Variants in VTCN1 observed in about 807,000 individuals in gnomAD.
VTCN1 encodes the protein V-set domain containing T cell activation inhibitor 1.
A neutral mutation model predicts 26.5 loss-of-function variants in VTCN1; 26 were observed. The ratio of observed to expected loss-of-function variants is 0.98; its 90% CI spans 0.72 to 1.36. VTCN1 has a LOEUF of 1.36. VTCN1 is among the 40% of genes most tolerant of loss of function. VTCN1 has a pLI of 0.00. For missense variants in VTCN1, 298 were observed against 337.7 expected, an observed-to-expected ratio of 0.88 and a Z score of 0.92; for synonymous variants, 116 against 130.7, an observed-to-expected ratio of 0.89 and a Z score of 0.77.
intron 1 of VTCN1, among the ~76,000 whole-genome samples, chr1:117,180,357 G>A (rs985762465): frequency 6.6e-6 from 1 of 152,058 alleles, no homozygotes; most frequent in African/African-American, 2.4e-5. Flanking sequence ...TTTTTCACTG[G>A]TACAAGCAGA....
At chr1:117,188,738 C>T (rs570956943) in intron 1 of VTCN1, among the ~76,000 whole-genome samples, 2 of 152,262 alleles carry the variant, frequency 1.3e-5, no homozygotes, top group Admixed American at 6.5e-5. Flanking sequence ...TGCATGGCAG[C>T]CCATTTTTTC....
At position 117,176,641 on chromosome 1, in the gene VTCN1, A is replaced by G. The variant is rs570508026; in HGVS notation, c.33-6470T>C. Among the ~76,000 whole-genome samples the G allele has an allele frequency of 1.2e-3, 190 of 152,364 alleles. 3 individuals carry two copies. The Middle Eastern group carries it at 0.014, about 11-fold the overall frequency. On this transcript the variant is annotated intron_variant, in intron 1 of 5. Coordinates refer to ENST00000369458, the MANE Select transcript of VTCN1 (RefSeq NM_024626.4). ...TGATTGATAAATGTTTAAAACCCTGAAAACTAGATTAGTTTTGCAAATGTG... is the reference window on the plus strand; with the variant it reads ...TGATTGATAAATGTTTAAAACCCTGGAAACTAGATTAGTTTTGCAAATGTG...
At chr1:117,166,912 C>T (rs1205324824) in intron 2 of VTCN1, among the ~76,000 whole-genome samples, 1 of 148,822 alleles carries the variant, frequency 6.7e-6, no homozygotes, top group African/African-American at 2.5e-5. Flanking sequence ...GCTAACAGGG[C>T]AAAATCCCAT....
At chr1:117,199,400 A>T (rs1048415817) in intron 1 of VTCN1, among the ~76,000 whole-genome samples, 1 of 152,132 alleles carries the variant, frequency 6.6e-6, no homozygotes, top group Non-Finnish European at 1.5e-5. Context: ...ATCTCTGCTC[A>T]CTGCAAACTC....
intron 4 of VTCN1, among the ~76,000 whole-genome samples, chr1:117,152,222 T>C (rs1557859918): frequency 6.6e-6 from 1 of 152,188 alleles, no homozygotes; most frequent in Admixed American, 6.5e-5. Flanking sequence ...AATTTTGGGT[T>C]CATATGTATA....
chr1:117,145,679 C>T lies in VTCN1; in HGVS notation c.*46-454G>A, dbSNP rs906639818. Among the ~76,000 whole-genome samples the T allele has an allele frequency of 6.6e-5, 10 of 152,184 alleles. No individual in the cohort carries two copies. Among genetic ancestry groups the T allele is most frequent in the African/African-American group, 2.4e-4 (10 of 41,446 alleles). On this transcript the variant is annotated intron_variant, in intron 5 of 5. Coordinates refer to ENST00000369458, the MANE Select transcript of VTCN1 (RefSeq NM_024626.4). This position sits in a 1 kb window ranked among gnomAD's most constrained non-coding sequence, Gnocchi z 4.6. ...ACAGGGTCTCACTCTGTTGCCCAGG[C>T]TGGAGTGCAGTGGTGCAAACATTGG...
chr1:117,164,070 C>A (rs551806862), intron 2 of VTCN1, among the ~76,000 whole-genome samples: 7 of 152,194 alleles, frequency 4.6e-5, no homozygotes, highest in Admixed American at 2.6e-4. Context: ...TAAGCCAAGG[C>A]CTTGGTGCCC....
chr1:117,159,524 G>T lies in VTCN1; in HGVS notation c.98-2603C>A, dbSNP rs1205472398. On this transcript the variant is annotated intron_variant, in intron 2 of 5. Coordinates refer to ENST00000369458, the MANE Select transcript of VTCN1 (RefSeq NM_024626.4). The surrounding 1 kb of genome is among the most constrained non-coding windows in gnomAD (Gnocchi z 4.7). ...GAATTATGGGAGTATAATTTAAGATGAGATTTGGGTGGGGACACAGAGCCA... is the reference window on the plus strand; with the variant it reads ...GAATTATGGGAGTATAATTTAAGATTAGATTTGGGTGGGGACACAGAGCCA... 6.6e-6 allele frequency among the ~76,000 whole-genome samples: 1 copy of T among 152,226 alleles called. No homozygotes were observed. Among genetic ancestry groups the T allele is most frequent in the Non-Finnish European group, 1.5e-5 (1 of 68,042 alleles).
intron 1 of VTCN1, among the ~76,000 whole-genome samples, chr1:117,210,612 T>A (rs1262667384): frequency 6.6e-6 from 1 of 152,182 alleles, no homozygotes; most frequent in Non-Finnish European, 1.5e-5. Flanking sequence ...AAAACCTCCC[T>A]AACCCTGAAC....
chr1:117,173,792 C>T (rs1242227346), intron 1 of VTCN1, among the ~76,000 whole-genome samples: 1 of 152,218 alleles, frequency 6.6e-6, no homozygotes. Flanking sequence ...TGAACAGCGA[C>T]ACTGAACAGA....
chr1:117,199,849 T>C (rs1648708109), intron 1 of VTCN1, among the ~76,000 whole-genome samples: 1 of 152,010 alleles, frequency 6.6e-6, no homozygotes, highest in Non-Finnish European at 1.5e-5. Flanking sequence ...TTGGCCAAGA[T>C]GGTCTCCATC....
chr1:117,203,671 C>G (rs1338312263), intron 1 of VTCN1: 2 of 985,220 alleles, frequency 2.0e-6, no homozygotes, highest in African/African-American at 3.5e-5. Flanking sequence ...ATCTGTGGCT[C>G]TTTAGCACAT....
intron 1 of VTCN1, among the ~76,000 whole-genome samples, chr1:117,194,962 T>C (rs1345493006): frequency 6.6e-6 from 1 of 152,038 alleles, no homozygotes; most frequent in Non-Finnish European, 1.5e-5. Flanking sequence ...ATGGGGCCTG[T>C]AGTTAATAAT....
Position 117,147,536 on chromosome 1 carries a change from T to C in VTCN1, c.*45+77A>G, listed in dbSNP as rs1651570535. 5.6e-6 allele frequency: 7 copies of C among 1,246,382 alleles called. No individual in the cohort carries two copies. The South Asian group carries it at 7.6e-5, about 14-fold the overall frequency. The allele number at this position is 1,246,382 out of a possible 1,614,324, so 77.2% of individuals were successfully genotyped here. On this transcript the variant is annotated intron_variant, in intron 5 of 5. Transcript: ENST00000369458. The surrounding 1 kb of genome is among the most constrained non-coding windows in gnomAD (Gnocchi z 4.6). ...AAATGTTTCTTTCTGTGGCTGATGC[T>C]GAAGGCTATCCGACTCTCATTAGGA...
chr1:117,152,798 G>A (rs1343055138), intron 4 of VTCN1, among the ~76,000 whole-genome samples: 1 of 152,140 alleles, frequency 6.6e-6, no homozygotes, highest in African/African-American at 2.4e-5. Context: ...TAGTCCTACT[G>A]AGTTACACAG....
rs1487118486 is a variant in VTCN1, at chr1:117,147,429, G to A, written c.*45+184C>T. Among the ~76,000 whole-genome samples, 1 of 152,168 alleles carries A rather than the reference G, an allele frequency of 6.6e-6. No individual in the cohort carries two copies. Among genetic ancestry groups the A allele is most frequent in the Non-Finnish European group, 1.5e-5 (1 of 68,020 alleles). ...TTATTTTTCCTATGGGTCTGTCAAT[G>A]AAGTCTATGCTGTTTGCTGACCTAA... On this transcript the variant is annotated intron_variant, in intron 5 of 5. Coordinates refer to ENST00000369458, the MANE Select transcript of VTCN1 (RefSeq NM_024626.4). The surrounding 1 kb of genome is among the most constrained non-coding windows in gnomAD (Gnocchi z 4.6).
In VTCN1 at chr1:117,151,100, C is replaced by T. The variant is rs374366603; in HGVS notation, c.724+1991G>A. On this transcript the variant is annotated intron_variant, in intron 4 of 5. Transcript: ENST00000369458. ...ACCATGGGTGTTCAAATATCTCATT[C>T]AGACTCTGAATTCTTTTGAAGGCAT... Among the ~76,000 whole-genome samples, 137 of 152,198 alleles carry T rather than the reference C, an allele frequency of 9.0e-4. 3 individuals are homozygous for T. In the South Asian group the frequency reaches 0.024, roughly 27 times the overall value.
At chr1:117,176,442 C>T (rs1308766286) in intron 1 of VTCN1, among the ~76,000 whole-genome samples, 1 of 152,192 alleles carries the variant, frequency 6.6e-6, no homozygotes, top group Non-Finnish European at 1.5e-5. Context: ...CTTTCTGGAT[C>T]TGCTACACAG....
Position 117,147,092 on chromosome 1 carries a change from A to T in VTCN1, c.*45+521T>A, listed in dbSNP as rs1240459938. ...TGGAACTTCATGATCTCAGCTTTATACACATTTCATATGCAGAAGAATATT... is the reference window on the plus strand; with the variant it reads ...TGGAACTTCATGATCTCAGCTTTATTCACATTTCATATGCAGAAGAATATT... On this transcript the variant is annotated intron_variant, in intron 5 of 5. Coordinates refer to ENST00000369458, the MANE Select transcript of VTCN1 (RefSeq NM_024626.4). The surrounding 1 kb of genome is among the most constrained non-coding windows in gnomAD (Gnocchi z 4.6). Among the ~76,000 whole-genome samples, 1 of 152,324 alleles carries T rather than the reference A, an allele frequency of 6.6e-6. No homozygotes were observed. The highest frequency in any genetic ancestry group is 1.9e-4 in the East Asian group (1 of 5,184).
Sources: gnomAD v4.1 joint callset for allele counts (sites outside exome capture counted in the v4.1 genomes callset) on GRCh38, gnomAD v4.1.1 for gene constraint, Gnocchi (gnomAD v3.1) non-coding constraint, MANE v1.5 for transcripts, NCBI Gene and HGNC (gene_info 2026-07-23, HGNC 2026-07-21) for gene names.